Variants in PPME1 observed in about 807,000 individuals in gnomAD.
The protein encoded by PPME1 is protein phosphatase methylesterase 1, also known as testicular secretory protein Li 39.
In PPME1, 17 loss-of-function variants were observed where a neutral mutation model predicts 56.9. The ratio of observed to expected loss-of-function variants is 0.30; its 90% CI spans 0.20 to 0.45. The LOEUF is 0.45. PPME1 is among the 20% of genes least tolerant of loss of function. The pLI is 1.00. For synonymous variants in PPME1, 122 were observed against 156.2 expected, an observed-to-expected ratio of 0.78 and a Z score of 1.63; for missense variants, 357 against 483.2, an observed-to-expected ratio of 0.74 and a Z score of 2.45.
intron 5 of PPME1, among the ~76,000 whole-genome samples, chr11:74,226,380 CAGAG>C (rs368824481): frequency 1.3e-5 from 2 of 151,602 alleles, no homozygotes; most frequent in South Asian, 2.1e-4. Flanking sequence ...TAGTCCTTGG[CAGAG>C]AGAGAGAGAA....
At position 74,251,473 on chromosome 11, in the gene PPME1, G is replaced by A. The variant is rs994827940; in HGVS notation, c.1075-175G>A. On this transcript the variant is annotated intron_variant, in intron 12 of 13. Coordinates refer to ENST00000328257, the MANE Select transcript of PPME1 (RefSeq NM_016147.3). The stretch of plus-strand genomic sequence containing the variant: ...AGCTATCCCTGGCAAGGATAGTGGG[G>A]AGGAGTCTTCTAGCTCTGCTAGGGA... 1.6e-5 allele frequency: 23 copies of A among 1,432,692 alleles called. No homozygotes were observed. In the African/African-American group the frequency reaches 2.9e-4, roughly 18 times the overall value. The allele number at this position is 1,432,692 out of a possible 1,614,324, so 88.7% of individuals were successfully genotyped here.
At chr11:74,252,243 T>A (rs1859709855) in intron 13 of PPME1, among the ~76,000 whole-genome samples, 1 of 148,110 alleles carries the variant, frequency 6.8e-6, no homozygotes, top group African/African-American at 2.6e-5. Context: ...AATTTTGTTT[T>A]TTTTTTTGTT....
chr11:74,253,451 T>C lies in PPME1; in HGVS notation c.1143-41T>C, dbSNP rs372580334. ...CAGATAAGCAAGGGAAAGCTATTGATAGTTACATTTGTTTTTCCTTCTCTT... is the reference window on the plus strand; with the variant it reads ...CAGATAAGCAAGGGAAAGCTATTGACAGTTACATTTGTTTTTCCTTCTCTT... On this transcript the variant is annotated intron_variant, in intron 13 of 13. Transcript: ENST00000328257. 8.2e-6 allele frequency: 13 copies of C among 1,581,946 alleles called. No homozygotes were observed. The African/African-American group carries it at 1.8e-4, about 21-fold the overall frequency.
At chr11:74,251,807 C>A in intron 13 of PPME1, 92 bp downstream of exon 13, 2 of 1,517,484 alleles carry the variant, frequency 1.3e-6, no homozygotes, top group South Asian at 1.1e-5. Flanking sequence ...CTGCCTTACC[C>A]CTGCCTGGTT....
intron 9 of PPME1, among the ~76,000 whole-genome samples, chr11:74,241,520 G>A (rs1207798141): frequency 2.0e-5 from 3 of 152,206 alleles, no homozygotes; most frequent in African/African-American, 7.2e-5. Context: ...GAGTGGAACT[G>A]ATCGATCATA....
intron 1 of PPME1, among the ~76,000 whole-genome samples, 157 bp from the exon 2 acceptor site, chr11:74,203,571 C>T (rs1363742007): frequency 1.8e-4 from 28 of 152,116 alleles, no homozygotes. Flanking sequence ...ACATTAAATA[C>T]ATTTTTAATA....
intron 8 of PPME1, among the ~76,000 whole-genome samples, 180 bp downstream of exon 8, chr11:74,236,146 TTC>T (rs1859184963): frequency 6.6e-6 from 1 of 152,234 alleles, no homozygotes; most frequent in African/African-American, 2.4e-5. Flanking sequence ...CTGCCTTCCT[TTC>T]TCTCCTTCCT....
chr11:74,212,438 C>T (rs1468297114), intron 3 of PPME1, among the ~76,000 whole-genome samples: 3 of 152,144 alleles, frequency 2.0e-5, no homozygotes, highest in Non-Finnish European at 4.4e-5. Context: ...ACAAGGACTG[C>T]AATTCTTGGG....
chr11:74,181,106 G>A (rs942092088), intron 1 of PPME1, among the ~76,000 whole-genome samples: 2 of 147,598 alleles, frequency 1.4e-5, no homozygotes, highest in African/African-American at 2.5e-5. Flanking sequence ...CTGCAGTGGC[G>A]CAATCTCGGC....
chr11:74,250,795 G>T, intron 11 of PPME1, 159 bp from the exon 12 acceptor site: 1 of 620,716 alleles, frequency 1.6e-6, no homozygotes, highest in East Asian at 2.8e-5. Flanking sequence ...ACAATTACTT[G>T]TATTACCATC....
Position 74,214,685 on chromosome 11 carries a change from AG to A in PPME1, c.289-7624del, listed in dbSNP as rs567066668. ...TGGCATAACATATTTAAAATGCTGAAGGGAAAAAAAAAAAAACTTTTATGCT... is the reference window on the plus strand; with the variant it reads ...TGGCATAACATATTTAAAATGCTGAAGGAAAAAAAAAAAAACTTTTATGCT... On this transcript the variant is annotated intron_variant, in intron 3 of 13. Transcript: ENST00000328257. Among the ~76,000 whole-genome samples, 581 of 141,246 alleles carry A rather than the reference AG, an allele frequency of 4.1e-3. 3 individuals are homozygous for A. Among genetic ancestry groups the A allele is most frequent in the Middle Eastern group, 0.035 (10 of 288 alleles). The allele number at this position is 141,246 out of a possible 152,430, so 92.7% of individuals were successfully genotyped here. A position where few individuals can be genotyped will look rare whatever the true frequency, so the allele number is the denominator to read the frequency against.
At chr11:74,173,963 T>G (rs1235707125) in intron 1 of PPME1, among the ~76,000 whole-genome samples, 1 of 152,230 alleles carries the variant, frequency 6.6e-6, no homozygotes, top group Non-Finnish European at 1.5e-5. Context: ...AGAGCATATA[T>G]TGGCGAATAT....
At chr11:74,249,117 T>G (rs372869298) in intron 11 of PPME1, 15 of 152,348 alleles carry the variant, frequency 9.8e-5, no homozygotes, top group East Asian at 7.7e-4. Flanking sequence ...TTCCTCAATA[T>G]GGATTATATC....
At chr11:74,173,021 A>G (rs1857317115) in intron 1 of PPME1, among the ~76,000 whole-genome samples, 1 of 152,160 alleles carries the variant, frequency 6.6e-6, no homozygotes, top group African/African-American at 2.4e-5. Flanking sequence ...AGGGAAGGAA[A>G]CTAAGAATTG....
chr11:74,228,690 A>G (rs1410132635), intron 5 of PPME1, among the ~76,000 whole-genome samples: 1 of 152,216 alleles, frequency 6.6e-6, no homozygotes, highest in African/African-American at 2.4e-5. Context: ...AGAAAATGCA[A>G]TAATATTTTT....
At chr11:74,239,045 A>G in intron 8 of PPME1, 88 bp from the exon 9 acceptor site, 1 of 1,294,160 alleles carries the variant, frequency 7.7e-7, no homozygotes, top group Non-Finnish European at 1.1e-6. Flanking sequence ...CTAACATTTG[A>G]TTATAAAAGG....
chr11:74,250,373 A>G (rs920506439), intron 11 of PPME1: 2 of 153,080 alleles, frequency 1.3e-5, no homozygotes, highest in African/African-American at 4.8e-5. Flanking sequence ...CACATGCTTA[A>G]GTGCTCAGAT....
chr11:74,248,532 T>C (rs946392426), intron 11 of PPME1: 1 of 152,262 alleles, frequency 6.6e-6, no homozygotes, highest in African/African-American at 2.4e-5. Flanking sequence ...CAGACCTTCA[T>C]GGCTTTGCCT....
At chr11:74,182,061 T>C (rs1268900748) in intron 1 of PPME1, among the ~76,000 whole-genome samples, 1 of 152,228 alleles carries the variant, frequency 6.6e-6, no homozygotes, top group Non-Finnish European at 1.5e-5. Flanking sequence ...TCCCGTAGGC[T>C]GTAGTTTGCC....
Sources: gnomAD v4.1 joint callset for allele counts (sites outside exome capture counted in the v4.1 genomes callset) on GRCh38, gnomAD v4.1.1 for gene constraint, MANE v1.5 for transcripts, NCBI Gene and HGNC (gene_info 2026-07-23, HGNC 2026-07-21) for gene names.